Variants in PCDH17 observed in about 807,000 individuals in gnomAD.
PCDH17 encodes the protein protocadherin-17.
PCDH17 carries 21 observed loss-of-function variants against 67.7 expected under a neutral mutation model. The observed-to-expected ratio is 0.31, with a 90% CI of 0.22 to 0.45. The LOEUF is 0.45. Ranked by LOEUF, PCDH17 falls within the 20% of genes least tolerant of loss-of-function variation. PCDH17 has a pLI of 1.00. For synonymous variants in PCDH17, 701 were observed against 656.7 expected (o/e 1.07, Z -1.03); for missense variants, 1,471 against 1,564.8 (o/e 0.94, Z 1.01).
intron 1 of PCDH17, among the ~76,000 whole-genome samples, chr13:57,659,980 C>T (rs982101947): frequency 3.3e-5 from 5 of 152,046 alleles, no homozygotes; most frequent in African/African-American, 1.2e-4. Flanking sequence ...TGCCTGTAAT[C>T]TTAGCACTTT....
At chr13:57,679,688 A>G (rs1349218231) in intron 3 of PCDH17, among the ~76,000 whole-genome samples, 4 of 151,490 alleles carry the variant, frequency 2.6e-5, no homozygotes, top group Admixed American at 2.0e-4. Flanking sequence ...TTTTCTTTCT[A>G]ATTTGAATTA....
At position 57,666,473 on chromosome 13, in the gene PCDH17, C is replaced by A; in HGVS notation, c.2571C>A (p.Asp857Glu). The A allele has an allele frequency of 1.2e-6, 2 of 1,613,492 alleles. No homozygotes were observed. Among genetic ancestry groups the A allele is most frequent in the Non-Finnish European group, 1.7e-6 (2 of 1,179,524 alleles). Residue 857 changes from aspartate to glutamate, a missense_variant, in exon 2 of 4, where the codon GAC (aspartate) becomes GAA (glutamate). This residue lies in a region of PCDH17 where 1,163 missense variants were observed against 1,230.0 expected (regional missense o/e 0.95). Coordinates refer to ENST00000377918, the MANE Select transcript of PCDH17 (RefSeq NM_001040429.3). Reference protein sequence around the residue: ...PATRMSIIQTDNFPAEPNYMG... With the variant: ...PATRMSIIQTENFPAEPNYMG... ...TTTTTCCTTCTCTTTCACAGACAGA[C>A]AATTTTCCCGCAGAGCCCAATTACA...
intron 3 of PCDH17, among the ~76,000 whole-genome samples, chr13:57,701,984 C>T (rs1417173835): frequency 6.6e-6 from 1 of 151,940 alleles, no homozygotes; most frequent in African/African-American, 2.4e-5. Context: ...GTGGCATGAT[C>T]TCGGCTCACT....
At chr13:57,692,206 T>C (rs1955565994) in intron 3 of PCDH17, among the ~76,000 whole-genome samples, 1 of 151,256 alleles carries the variant, frequency 6.6e-6, no homozygotes, top group African/African-American at 2.4e-5. Flanking sequence ...TTAAATTGTC[T>C]GCAATTTTAT....
chr13:57,659,262 C>T (rs1955152781), intron 1 of PCDH17, among the ~76,000 whole-genome samples: 1 of 152,128 alleles, frequency 6.6e-6, no homozygotes, highest in Admixed American at 6.5e-5. Flanking sequence ...TTTCCTACTG[C>T]TCACATTATT....
chr13:57,666,633 C>A, intron 2 of PCDH17, 28 bp from the exon 3 acceptor site: 1 of 1,608,456 alleles, frequency 6.2e-7, no homozygotes, highest in Non-Finnish European at 8.5e-7. Flanking sequence ...ACAACACTTT[C>A]TCTTCTTTTT....
At chr13:57,715,921 T>C (rs1479032620) in intron 3 of PCDH17, among the ~76,000 whole-genome samples, 1 of 151,982 alleles carries the variant, frequency 6.6e-6, no homozygotes, top group Non-Finnish European at 1.5e-5. Flanking sequence ...ATTTTTCTAA[T>C]GAAGAATTTA....
At chr13:57,714,076 TA>T (rs1259577592) in intron 3 of PCDH17, among the ~76,000 whole-genome samples, 1 of 151,598 alleles carries the variant, frequency 6.6e-6, no homozygotes, top group Non-Finnish European at 1.5e-5. Context: ...ATTAAAATAT[TA>T]AAAACATTCT....
intron 1 of PCDH17, among the ~76,000 whole-genome samples, chr13:57,637,530 G>A (rs1177433780): frequency 6.6e-6 from 1 of 151,450 alleles, no homozygotes; most frequent in East Asian, 1.9e-4. Context: ...TCTTGTTTCA[G>A]GTGCTTTTAT....
At chr13:57,667,889 A>G (rs1955273967) in intron 3 of PCDH17, among the ~76,000 whole-genome samples, 1 of 148,284 alleles carries the variant, frequency 6.7e-6, no homozygotes, top group Non-Finnish European at 1.5e-5. Context: ...ACTTATTTAT[A>G]TATATTTTTT....
At chr13:57,707,282 A>G (rs1361269409) in intron 3 of PCDH17, among the ~76,000 whole-genome samples, 2 of 151,904 alleles carry the variant, frequency 1.3e-5, no homozygotes, top group Admixed American at 6.6e-5. Flanking sequence ...ATGACTATAT[A>G]TACGTATGTC....
intron 3 of PCDH17, among the ~76,000 whole-genome samples, chr13:57,723,187 T>G (rs1955885552): frequency 6.6e-6 from 1 of 152,234 alleles, no homozygotes; most frequent in African/African-American, 2.4e-5. Flanking sequence ...GAAAGATACC[T>G]AATTTTTTTT....
chr13:57,655,351 A>C (rs911403286), intron 1 of PCDH17, among the ~76,000 whole-genome samples: 1 of 151,882 alleles, frequency 6.6e-6, no homozygotes, highest in Non-Finnish European at 1.5e-5. Context: ...AAGAATGGTG[A>C]ATTTTGTTTA....
At chr13:57,639,106 G>GT (rs138601322) in intron 1 of PCDH17, among the ~76,000 whole-genome samples, 2,054 of 151,904 alleles carry the variant, frequency 0.014, 20 homozygotes, top group Non-Finnish European at 0.023. Flanking sequence ...AGGCATTCTG[G>GT]TATCTTGAGT....
Position 57,727,691 on chromosome 13 carries a change from T to C in PCDH17, c.*2397T>C, listed in dbSNP as rs1955925271. ...AATTGACTCTCTATATTTTGGACAA[T>C]TTATGTATCTGAAATGTGTTGTCTC... On this transcript the variant is annotated 3_prime_UTR_variant, in exon 4 of 4. Transcript: ENST00000377918. 6.6e-6 allele frequency: 1 copy of C among 152,122 alleles called. No individual in the cohort carries two copies. Among genetic ancestry groups the C allele is most frequent in the Non-Finnish European group, 1.5e-5 (1 of 67,994 alleles). 9.4% of individuals were successfully genotyped at this position (152,122 alleles called of 1,614,324 possible).
At chr13:57,668,796 G>T (rs936368558) in intron 3 of PCDH17, among the ~76,000 whole-genome samples, 2 of 152,000 alleles carry the variant, frequency 1.3e-5, no homozygotes, top group African/African-American at 4.8e-5. Flanking sequence ...AATAATTTAT[G>T]AATTATGTGT....
intron 3 of PCDH17, among the ~76,000 whole-genome samples, chr13:57,704,180 G>C (rs1374608524): frequency 6.6e-6 from 1 of 152,100 alleles, no homozygotes; most frequent in South Asian, 2.1e-4. Context: ...ATCACAACCC[G>C]GCTGTACCTG....
chr13:57,679,874 C>A (rs1955431996), intron 3 of PCDH17, among the ~76,000 whole-genome samples: 3 of 151,356 alleles, frequency 2.0e-5, no homozygotes, highest in Admixed American at 1.3e-4. Context: ...AAACAATAGA[C>A]AATAGATTAC....
chr13:57,655,560 G>C (rs1319679091), intron 1 of PCDH17, among the ~76,000 whole-genome samples: 1 of 151,872 alleles, frequency 6.6e-6, no homozygotes, highest in Non-Finnish European at 1.5e-5. Context: ...AAAAAGGTAG[G>C]TATTCATAGG....
Sources: allele counts gnomAD v4.1 joint callset (sites outside exome capture counted in the v4.1 genomes callset), GRCh38; gene constraint gnomAD v4.1.1; regional missense constraint gnomAD v4.1.1; transcripts MANE v1.5; gene names NCBI Gene and HGNC (gene_info 2026-07-23, HGNC 2026-07-21).